ASIC2: variants seen among roughly 807,000 people sequenced by gnomAD.
The protein encoded by ASIC2 is acid sensing ion channel subunit 2.
Under a neutral mutation model 57.3 loss-of-function variants are expected in ASIC2, and 25 were observed. The observed-to-expected ratio is 0.44, with a 90% CI of 0.32 to 0.61. ASIC2 has a LOEUF of 0.61. Among genes scored for constraint, ASIC2 ranks in the 20% least tolerant of loss-of-function variants. The pLI is 0.06. For synonymous variants in ASIC2, 319 were observed against 307.5 expected, an observed-to-expected ratio of 1.04 and a Z score of -0.39; for missense variants, 641 against 738.1, an observed-to-expected ratio of 0.87 and a Z score of 1.52.
chr17:33,246,754 A>T (rs187360312), intron 1 of ASIC2, among the ~76,000 whole-genome samples: 213 of 152,344 alleles, frequency 1.4e-3, no homozygotes, highest in Admixed American at 2.2e-3. Flanking sequence ...CTATAGTCAC[A>T]TAGAAGCAGA....
intron 1 of ASIC2, among the ~76,000 whole-genome samples, chr17:33,322,187 A>C (rs767793264): frequency 6.6e-6 from 1 of 152,198 alleles, no homozygotes; most frequent in Non-Finnish European, 1.5e-5. Flanking sequence ...CTTGAACTTC[A>C]GATCTTGGGA....
chr17:33,392,711 C>T (rs541017342), intron 1 of ASIC2, among the ~76,000 whole-genome samples: 1 of 152,162 alleles, frequency 6.6e-6, no homozygotes, highest in Non-Finnish European at 1.5e-5. Context: ...CTAGGTCTTG[C>T]ACAGGAACCA....
intron 1 of ASIC2, among the ~76,000 whole-genome samples, chr17:33,778,208 C>T (rs966786987): frequency 2.6e-5 from 4 of 152,062 alleles, no homozygotes; most frequent in Non-Finnish European, 5.9e-5. Flanking sequence ...TTTGGAGATC[C>T]TCTGTGAATA....
At chr17:33,409,136 G>A (rs1400634393) in intron 1 of ASIC2, among the ~76,000 whole-genome samples, 4 of 152,148 alleles carry the variant, frequency 2.6e-5, no homozygotes. Context: ...AATTTATTGA[G>A]CCTGGGAGGC....
At chr17:34,140,977 G>C (rs1332214069) in intron 1 of ASIC2, among the ~76,000 whole-genome samples, 1 of 152,154 alleles carries the variant, frequency 6.6e-6, no homozygotes, top group African/African-American at 2.4e-5. Context: ...CCTTCATCAA[G>C]TGATAAAACA....
intron 1 of ASIC2, among the ~76,000 whole-genome samples, chr17:33,475,931 G>C (rs907184057): frequency 1.3e-5 from 2 of 152,118 alleles, no homozygotes; most frequent in Non-Finnish European, 2.9e-5. Context: ...TCCACGTCTA[G>C]CATCATTATA....
intron 1 of ASIC2, among the ~76,000 whole-genome samples, chr17:33,994,617 T>C (rs1333277232): frequency 1.3e-5 from 2 of 152,190 alleles, no homozygotes; most frequent in African/African-American, 4.8e-5. Context: ...GACAGCAACG[T>C]GCGAAGTTAG....
intron 1 of ASIC2, among the ~76,000 whole-genome samples, chr17:33,579,556 G>T (rs1444004459): frequency 2.0e-5 from 3 of 152,098 alleles, no homozygotes; most frequent in Admixed American, 6.6e-5. Context: ...AGAATGAAAG[G>T]GCAGACCCTA....
chr17:33,664,173 T>C (rs280043), intron 1 of ASIC2, among the ~76,000 whole-genome samples: 45,142 of 152,034 alleles, frequency 0.3, 7,381 homozygotes, highest in African/African-American at 0.45. Flanking sequence ...CCTCTGACCT[T>C]AGGGCCCTTA....
intron 1 of ASIC2, among the ~76,000 whole-genome samples, chr17:33,434,106 C>A (rs1449745849): frequency 6.6e-6 from 1 of 151,552 alleles, no homozygotes; most frequent in African/African-American, 2.4e-5. Context: ...CATTACGAGA[C>A]CTCCTCTCAA....
At chr17:34,070,136 T>C (rs1423827284) in intron 1 of ASIC2, 2 of 152,098 alleles carry the variant, frequency 1.3e-5, no homozygotes, top group African/African-American at 4.8e-5. Flanking sequence ...ATCTCCACTT[T>C]TGATGGACAT....
At chr17:33,957,512 G>T (rs946065002) in intron 1 of ASIC2, among the ~76,000 whole-genome samples, 4 of 152,150 alleles carry the variant, frequency 2.6e-5, no homozygotes, top group African/African-American at 9.7e-5. Context: ...AGTAACAAAG[G>T]CATATCATAC....
chr17:34,018,376 A>ATGCATT (rs1441933951), intron 1 of ASIC2, among the ~76,000 whole-genome samples: 1 of 152,218 alleles, frequency 6.6e-6, no homozygotes, highest in Admixed American at 6.5e-5. Context: ...GTGACCCAAG[A>ATGCATT]GTTCTGATGA....
intron 1 of ASIC2, among the ~76,000 whole-genome samples, chr17:33,671,746 T>C (rs1045562625): frequency 3.3e-5 from 5 of 152,200 alleles, no homozygotes; most frequent in Admixed American, 2.0e-4. Flanking sequence ...GATGTCAGTG[T>C]CTCTATGGCC....
intron 1 of ASIC2, among the ~76,000 whole-genome samples, chr17:33,982,979 CACACACAGTAGGT>C (rs369050873): frequency 3.7e-4 from 56 of 152,322 alleles, no homozygotes; most frequent in African/African-American, 1.2e-3. Context: ...CATGGTGCCT[CACACACAGTAGGT>C]GTGCACCAAA....
At chr17:33,458,386 G>A (rs186125036) in intron 1 of ASIC2, among the ~76,000 whole-genome samples, 2 of 152,264 alleles carry the variant, frequency 1.3e-5, no homozygotes, top group East Asian at 3.9e-4. Context: ...AGGATCTGTA[G>A]GGAAAGATTT....
At chr17:34,149,054 G>A (rs1320558765) in intron 1 of ASIC2, among the ~76,000 whole-genome samples, 1 of 151,754 alleles carries the variant, frequency 6.6e-6, no homozygotes. Flanking sequence ...TTATATCTGG[G>A]AAGCAATTAA....
chr17:34,042,987 A>C (rs1401055025), intron 1 of ASIC2, among the ~76,000 whole-genome samples: 2 of 152,246 alleles, frequency 1.3e-5, no homozygotes, highest in Non-Finnish European at 2.9e-5. Flanking sequence ...ATACAGCAAC[A>C]TGGATGATTG....
At chr17:34,118,677 A>G (rs1284053462) in intron 1 of ASIC2, 1 of 152,218 alleles carries the variant, frequency 6.6e-6, no homozygotes, top group Non-Finnish European at 1.5e-5. Flanking sequence ...AAATAAAGCA[A>G]GATTATCTGA....
Sources: gnomAD v4.1 joint callset for allele counts (sites outside exome capture counted in the v4.1 genomes callset) on GRCh38, gnomAD v4.1.1 for gene constraint, MANE v1.5 for transcripts, NCBI Gene and HGNC (gene_info 2026-07-23, HGNC 2026-07-21) for gene names.